The following AKAP19 variants were observed in gnomAD, a reference collection of about 807,000 sequenced individuals.
AKAP19 encodes the protein A-kinase anchoring protein 19.
At chr2:189,963,815 G>A in the AKAP19 span, among the ~76,000 whole-genome samples, 1 of 151,044 alleles carries the variant, frequency 6.6e-6, no homozygotes, top group Non-Finnish European at 1.5e-5. Context: ...CCAGCCTAGA[G>A]TGCAGTGGTG....
At chr2:190,171,444 T>A in the AKAP19 span, among the ~76,000 whole-genome samples, 26 of 152,130 alleles carry the variant, frequency 1.7e-4, 1 homozygote, top group African/African-American at 5.8e-4. Context: ...TTTATTGGAC[T>A]TTTTTTCTGA....
chr2:190,084,139 CT>C, the AKAP19 span, among the ~76,000 whole-genome samples: 2 of 144,242 alleles, frequency 1.4e-5, no homozygotes, highest in Non-Finnish European at 1.5e-5. Flanking sequence ...GTTGCCCAGG[CT>C]AGAGTGCAGT....
chr2:190,006,118 G>T, the AKAP19 span, among the ~76,000 whole-genome samples: 2 of 152,194 alleles, frequency 1.3e-5, no homozygotes, highest in Non-Finnish European at 2.9e-5. Flanking sequence ...GAATAACACA[G>T]TATTCTTATC....
chr2:190,177,778 T>C, the AKAP19 span, among the ~76,000 whole-genome samples: 1 of 152,198 alleles, frequency 6.6e-6, no homozygotes, highest in African/African-American at 2.4e-5. The surrounding 1 kb of genome is among the most constrained non-coding windows in gnomAD (Gnocchi z 4.6). Flanking sequence ...CTTGATTTGA[T>C]TCTGCTAACT....
chr2:190,026,126 TATA>T, the AKAP19 span, among the ~76,000 whole-genome samples: 1 of 152,250 alleles, frequency 6.6e-6, no homozygotes, highest in Non-Finnish European at 1.5e-5. Context: ...TTATTTTTTC[TATA>T]ATACTACATT....
At chr2:189,934,471 G>C in the AKAP19 span, among the ~76,000 whole-genome samples, 2 of 151,930 alleles carry the variant, frequency 1.3e-5, no homozygotes, top group Non-Finnish European at 2.9e-5. Context: ...AAATTGGAAA[G>C]AGTATATTTT....
At chr2:189,889,425 G>A in the AKAP19 span, among the ~76,000 whole-genome samples, 3 of 152,164 alleles carry the variant, frequency 2.0e-5, no homozygotes, top group African/African-American at 7.2e-5. Flanking sequence ...TTTGTTATCA[G>A]GATGATACTG....
the AKAP19 span, chr2:190,055,790 C>A: frequency 1.3e-5 from 2 of 152,066 alleles, no homozygotes; most frequent in East Asian, 3.9e-4. Flanking sequence ...AGTCATAGTA[C>A]AATAAATTTG....
the AKAP19 span, among the ~76,000 whole-genome samples, chr2:190,038,787 AG>A: frequency 6.6e-6 from 1 of 152,100 alleles, no homozygotes; most frequent in Non-Finnish European, 1.5e-5. Flanking sequence ...CCAGGAGAGG[AG>A]GGGGAAGAAT....
At chr2:190,068,255 AG>A in the AKAP19 span, among the ~76,000 whole-genome samples, 1 of 152,138 alleles carries the variant, frequency 6.6e-6, no homozygotes, top group Non-Finnish European at 1.5e-5. Context: ...ATTTGAAGGC[AG>A]GGAATATTTT....
At chr2:189,932,122 T>C in the AKAP19 span, among the ~76,000 whole-genome samples, 4 of 152,320 alleles carry the variant, frequency 2.6e-5, no homozygotes, top group Admixed American at 2.6e-4. Context: ...TCTTTATCCA[T>C]GTGACCAACA....
chr2:190,114,947 A>C, the AKAP19 span, among the ~76,000 whole-genome samples: 44 of 151,230 alleles, frequency 2.9e-4, no homozygotes, highest in African/African-American at 8.7e-4. Context: ...GATATTGTTA[A>C]ATTTTGTTGT....
chr2:190,028,807 T>C, the AKAP19 span, among the ~76,000 whole-genome samples: 1 of 152,194 alleles, frequency 6.6e-6, no homozygotes. Context: ...AAAAAACCTA[T>C]ATATCTTTTT....
chr2:189,956,570 C>CA, the AKAP19 span, among the ~76,000 whole-genome samples: 18 of 151,968 alleles, frequency 1.2e-4, no homozygotes, highest in African/African-American at 4.4e-4. Context: ...ACATCATATA[C>CA]ATATAAGAAC....
the AKAP19 span, among the ~76,000 whole-genome samples, chr2:189,880,743 T>C: frequency 9.2e-5 from 14 of 152,334 alleles, no homozygotes; most frequent in African/African-American, 3.4e-4. Context: ...TTTATTTTTG[T>C]TTCACACTCT....
At chr2:190,158,885 A>G in the AKAP19 span, among the ~76,000 whole-genome samples, 6 of 152,192 alleles carry the variant, frequency 3.9e-5, no homozygotes, top group African/African-American at 1.4e-4. Context: ...CCATTTGGAG[A>G]GAAGGCTGCA....
chr2:190,027,243 T>C, the AKAP19 span, among the ~76,000 whole-genome samples: 2 of 152,198 alleles, frequency 1.3e-5, no homozygotes, highest in Non-Finnish European at 2.9e-5. Flanking sequence ...GCCTGGGACA[T>C]GCATGCACAA....
chr2:190,008,898 T>C, the AKAP19 span, among the ~76,000 whole-genome samples: 1 of 151,874 alleles, frequency 6.6e-6, no homozygotes, highest in African/African-American at 2.4e-5. Flanking sequence ...AGAAGTGATA[T>C]AGGGGATTGC....
the AKAP19 span, among the ~76,000 whole-genome samples, chr2:190,040,365 G>C: frequency 1.2e-4 from 19 of 152,034 alleles, no homozygotes; most frequent in African/African-American, 4.6e-4. Flanking sequence ...TTTTAATGGG[G>C]TTGTTTTTCT....
Sources: allele counts gnomAD v4.1 joint callset (sites outside exome capture counted in the v4.1 genomes callset), GRCh38; gene constraint gnomAD v4.1.1; non-coding constraint Gnocchi (gnomAD v3.1); transcripts MANE v1.5; gene names NCBI Gene and HGNC (gene_info 2026-07-23, HGNC 2026-07-21).